The following PDE9A variants were observed in gnomAD, a reference collection of about 807,000 sequenced individuals.
PDE9A encodes the protein high affinity cGMP-specific 3',5'-cyclic phosphodiesterase 9A.
In PDE9A, 60 loss-of-function variants were observed where a neutral mutation model predicts 87.4. That is an observed-to-expected ratio of 0.69 (90% confidence interval 0.56 to 0.85). The LOEUF is 0.85. PDE9A is among the 40% of genes least tolerant of loss of function. The probability of loss-of-function intolerance (pLI) is 0.00; values close to 1 mark genes in which losing one functional copy is unlikely to be tolerated. For synonymous variants in PDE9A, 272 were observed against 279.4 expected (o/e 0.97, Z 0.27); for missense variants, 665 against 779.0 (o/e 0.85, Z 1.74).
At chr21:42,730,864 C>A (rs1303878151) in intron 4 of PDE9A, among the ~76,000 whole-genome samples, 2 of 152,210 alleles carry the variant, frequency 1.3e-5, no homozygotes, top group Non-Finnish European at 2.9e-5. Context: ...AAATGGGACC[C>A]TGGGTCAGTG....
At chr21:42,703,917 G>A (rs1327411974) in intron 4 of PDE9A, among the ~76,000 whole-genome samples, 1 of 152,262 alleles carries the variant, frequency 6.6e-6, no homozygotes, top group African/African-American at 2.4e-5. Context: ...AAGGTGCCAG[G>A]ATGAGAAAAA....
intron 1 of PDE9A, among the ~76,000 whole-genome samples, chr21:42,682,753 C>T (rs963190869): frequency 1.3e-5 from 2 of 152,204 alleles, no homozygotes; most frequent in African/African-American, 2.4e-5. Context: ...TGGGCATGGA[C>T]GTTGCACAGT....
At chr21:42,654,501 G>A (rs2056899634) in intron 1 of PDE9A, among the ~76,000 whole-genome samples, 1 of 152,112 alleles carries the variant, frequency 6.6e-6, no homozygotes, top group Non-Finnish European at 1.5e-5. Context: ...CTTTGTTCGT[G>A]GCCCCCTCTG....
At chr21:42,726,877 C>T (rs1270502328) in intron 4 of PDE9A, among the ~76,000 whole-genome samples, 2 of 151,192 alleles carry the variant, frequency 1.3e-5, no homozygotes, top group East Asian at 1.9e-4. Flanking sequence ...TGGACATGGT[C>T]ATAGGCCCTC....
chr21:42,687,561 GC>G (rs774506972), intron 2 of PDE9A, among the ~76,000 whole-genome samples: 35 of 152,148 alleles, frequency 2.3e-4, no homozygotes, highest in Non-Finnish European at 3.7e-4. Flanking sequence ...GGCACTGGAA[GC>G]GGAAAGACAA....
chr21:42,669,233 C>T (rs988439020), intron 1 of PDE9A, among the ~76,000 whole-genome samples: 2 of 152,090 alleles, frequency 1.3e-5, no homozygotes, highest in Non-Finnish European at 2.9e-5. Context: ...GGCAGGGCCG[C>T]GCTCCCTCTA....
At chr21:42,665,845 G>C (rs2138327) in intron 1 of PDE9A, among the ~76,000 whole-genome samples, 2 of 151,994 alleles carry the variant, frequency 1.3e-5, no homozygotes, top group East Asian at 3.9e-4. Context: ...GGCGTTGCTC[G>C]GCTGGGCCAG....
chr21:42,733,446 C>T lies in PDE9A; in HGVS notation c.568+20C>T, dbSNP rs769145675. On this transcript the variant is annotated intron_variant, in intron 7 of 19. Coordinates refer to ENST00000291539, the MANE Select transcript of PDE9A (RefSeq NM_002606.3). Reference sequence around the variant, plus strand: ...TGGAATGTGAGTGACGTTTCTGTTTCCTTTTTGCTTCTCTGTCCTTTAACC... The same window carrying T: ...TGGAATGTGAGTGACGTTTCTGTTTTCTTTTTGCTTCTCTGTCCTTTAACC... 1 of 1,502,450 alleles carries T rather than the reference C, an allele frequency of 6.7e-7. No individual in the cohort carries two copies. Among genetic ancestry groups the T allele is most frequent in the South Asian group, 1.1e-5 (1 of 88,678 alleles). 93.1% of individuals were successfully genotyped at this position (1,502,450 alleles called of 1,614,324 possible).
chr21:42,768,261 T>C lies in PDE9A; in HGVS notation c.1430T>C (p.Val477Ala). The C allele has an allele frequency of 6.2e-7, 1 of 1,605,324 alleles. No individual in the cohort carries two copies. Among genetic ancestry groups the C allele is most frequent in the Non-Finnish European group, 8.5e-7 (1 of 1,171,924 alleles). Residue 477 changes from valine to alanine, a missense_variant, in exon 16 of 20, where the codon GTG becomes GCG. By Grantham distance (64) the Val-to-Ala change is moderately conservative (BLOSUM62 0). Transcript: ENST00000291539. ...CCAATGGAAGTCGCAGAGCCTTGGG[T>C]GGACTGTTTATTAGAGGAATATTTT... ...VRPMEVAEPW[V>A]DCLLEEYFMQ...
At chr21:42,674,114 C>T (rs991010165) in intron 1 of PDE9A, among the ~76,000 whole-genome samples, 2 of 152,130 alleles carry the variant, frequency 1.3e-5, no homozygotes, top group African/African-American at 4.8e-5. Flanking sequence ...GTAACACAGG[C>T]GACCAGGAGC....
At position 42,759,596 on chromosome 21, in the gene PDE9A, TGTGA is replaced by T. The variant is rs1461552431; in HGVS notation, c.897+512_897+515del. 6.6e-6 allele frequency among the ~76,000 whole-genome samples: 1 copy of T among 150,416 alleles called. No homozygotes were observed. Among genetic ancestry groups the T allele is most frequent in the Non-Finnish European group, 1.5e-5 (1 of 67,560 alleles). ...GTATCTGAGTTTACGGGTGGGTGTGTGTGAATGTGTGGTGGGAGTGTGTGGGGTG... is the reference window on the plus strand; with the variant it reads ...GTATCTGAGTTTACGGGTGGGTGTGTATGTGTGGTGGGAGTGTGTGGGGTG... On this transcript the variant is annotated intron_variant, in intron 11 of 19. Coordinates refer to ENST00000291539, the MANE Select transcript of PDE9A (RefSeq NM_002606.3). This position sits in a 1 kb window ranked among gnomAD's most constrained non-coding sequence, Gnocchi z 7.2.
chr21:42,761,870 G>A (rs1307730313), intron 13 of PDE9A, among the ~76,000 whole-genome samples: 1 of 151,204 alleles, frequency 6.6e-6, no homozygotes, highest in African/African-American at 2.5e-5. Context: ...TCTGTCTGGT[G>A]GGACTGCAGG....
chr21:42,703,183 G>A (rs918450036), intron 4 of PDE9A, among the ~76,000 whole-genome samples: 18 of 152,232 alleles, frequency 1.2e-4, no homozygotes, highest in Non-Finnish European at 2.5e-4. Context: ...CACGGCCCAG[G>A]GAGGGGGTTG....
At chr21:42,724,170 G>A (rs2050798647) in intron 4 of PDE9A, among the ~76,000 whole-genome samples, 1 of 152,144 alleles carries the variant, frequency 6.6e-6, no homozygotes, top group African/African-American at 2.4e-5. Context: ...CCTGGAGGTG[G>A]TGCCCGGAGC....
At chr21:42,708,150 A>T (rs2048995667) in intron 4 of PDE9A, among the ~76,000 whole-genome samples, 1 of 152,240 alleles carries the variant, frequency 6.6e-6, no homozygotes, top group East Asian at 1.9e-4. Flanking sequence ...AAGCAAAGCC[A>T]CAGTCATCCT....
intron 1 of PDE9A, among the ~76,000 whole-genome samples, chr21:42,668,898 A>ACCCCCCCCCCC (rs375148519): frequency 1.0e-4 from 11 of 104,840 alleles, no homozygotes; most frequent in South Asian, 5.5e-4. Flanking sequence ...TGCTCCCTCC[A>ACCCCCCCCCCC]CCCCCCGCCA....
intron 4 of PDE9A, among the ~76,000 whole-genome samples, chr21:42,728,835 A>AC (rs2051414252): frequency 6.6e-6 from 1 of 152,072 alleles, no homozygotes; most frequent in African/African-American, 2.4e-5. Flanking sequence ...CCCCGGCTCT[A>AC]CTAAAAATAC....
At chr21:42,706,661 A>G (rs1285195521) in intron 4 of PDE9A, among the ~76,000 whole-genome samples, 1 of 151,932 alleles carries the variant, frequency 6.6e-6, no homozygotes. Flanking sequence ...AAAAAATTGT[A>G]CAACCTCAGT....
In PDE9A at chr21:42,694,193, G is replaced by C. The variant is rs1479224259; in HGVS notation, c.219-4775G>C. Among the ~76,000 whole-genome samples the C allele has an allele frequency of 1.3e-5, 2 of 152,112 alleles. No individual in the cohort carries two copies. Among genetic ancestry groups the C allele is most frequent in the Non-Finnish European group, 2.9e-5 (2 of 68,018 alleles). On this transcript the variant is annotated intron_variant, in intron 3 of 19. Coordinates refer to ENST00000291539, the MANE Select transcript of PDE9A (RefSeq NM_002606.3). This position sits in a 1 kb window ranked among gnomAD's most constrained non-coding sequence, Gnocchi z 5.3. The stretch of plus-strand genomic sequence containing the variant: ...TAGCTCAGAAGCTACGTCAGCAGTT[G>C]GTTGGTTGGTTGGTTGGTGGGTTGG...
Sources: gnomAD v4.1 joint callset for allele counts (sites outside exome capture counted in the v4.1 genomes callset) on GRCh38, gnomAD v4.1.1 for gene constraint, Gnocchi (gnomAD v3.1) non-coding constraint, MANE v1.5 for transcripts, NCBI Gene and HGNC (gene_info 2026-07-23, HGNC 2026-07-21) for gene names.